Variants in ATXN1 observed in about 807,000 individuals in gnomAD.
The protein encoded by ATXN1 is ataxin 1, also known as ataxin-1.
Under a neutral mutation model 56.4 loss-of-function variants are expected in ATXN1, and 8 were observed. The ratio of observed to expected loss-of-function variants is 0.14; its 90% CI spans 0.08 to 0.26. The LOEUF (loss-of-function observed/expected upper bound fraction) is 0.26, where lower values mean the gene tolerates loss of function less well. Among genes scored for constraint, ATXN1 ranks in the 10% least tolerant of loss-of-function variants. ATXN1 has a pLI of 1.00. For synonymous variants in ATXN1, 514 were observed against 494.6 expected, an observed-to-expected ratio of 1.04 and a Z score of -0.52; for missense variants, 987 against 1,106.5, an observed-to-expected ratio of 0.89 and a Z score of 1.53.
chr6:16,479,090 C>T (rs1311450500), intron 6 of ATXN1, among the ~76,000 whole-genome samples: 1 of 152,148 alleles, frequency 6.6e-6, no homozygotes, highest in African/African-American at 2.4e-5. Flanking sequence ...ATGATAAAAA[C>T]CTGTCTGAGT....
intron 4 of ATXN1, among the ~76,000 whole-genome samples, chr6:16,553,922 G>A (rs1761965370): frequency 6.6e-6 from 1 of 152,212 alleles, no homozygotes. Context: ...TTGAAAGGCA[G>A]TATAGGCAAA....
intron 6 of ATXN1, among the ~76,000 whole-genome samples, chr6:16,449,364 A>G (rs1438870085): frequency 6.6e-6 from 1 of 152,204 alleles, no homozygotes; most frequent in African/African-American, 2.4e-5. Context: ...TGTCAGACAT[A>G]CCATGCTTAT....
chr6:16,582,663 G>C (rs925858367), intron 4 of ATXN1, among the ~76,000 whole-genome samples: 1 of 152,210 alleles, frequency 6.6e-6, no homozygotes, highest in African/African-American at 2.4e-5. Flanking sequence ...GCTGACCACA[G>C]ATCTGAGGTC....
chr6:16,346,949 G>A (rs540509185), intron 6 of ATXN1, among the ~76,000 whole-genome samples: 2 of 152,358 alleles, frequency 1.3e-5, no homozygotes, highest in South Asian at 2.1e-4. Flanking sequence ...CCAGGTGGCT[G>A]TGGGCTCCGT....
At chr6:16,593,841 G>A (rs1021802731) in intron 3 of ATXN1, among the ~76,000 whole-genome samples, 2 of 78,640 alleles carry the variant, frequency 2.5e-5, no homozygotes, top group African/African-American at 4.8e-5. Context: ...ATGTATGTAC[G>A]TGTATATGTG....
intron 6 of ATXN1, among the ~76,000 whole-genome samples, chr6:16,432,270 G>A (rs1158644339): frequency 6.6e-6 from 1 of 152,194 alleles, no homozygotes; most frequent in African/African-American, 2.4e-5. Flanking sequence ...TCTACCACCA[G>A]TACATGCATC....
At chr6:16,488,431 G>A (rs1415931465) in intron 5 of ATXN1, among the ~76,000 whole-genome samples, 6 of 152,238 alleles carry the variant, frequency 3.9e-5, no homozygotes, top group Admixed American at 6.5e-5. Flanking sequence ...TATGCCCACC[G>A]TTAACAGTGT....
intron 3 of ATXN1, among the ~76,000 whole-genome samples, chr6:16,631,891 C>T (rs181386468): frequency 1.5e-4 from 23 of 152,276 alleles, no homozygotes; most frequent in African/African-American, 5.3e-4. Context: ...CAGAAATAAG[C>T]CACTAGTGCT....
chr6:16,311,850 G>C (rs748210347), intron 7 of ATXN1, among the ~76,000 whole-genome samples: 8 of 152,186 alleles, frequency 5.3e-5, no homozygotes, highest in Non-Finnish European at 8.8e-5. Context: ...CATCTGTCTC[G>C]TAAGACTCTC....
intron 6 of ATXN1, among the ~76,000 whole-genome samples, chr6:16,431,283 C>A (rs1759279050): frequency 6.6e-6 from 1 of 152,102 alleles, no homozygotes; most frequent in Non-Finnish European, 1.5e-5. Context: ...TATTGCAATA[C>A]CACCAATTGA....
At chr6:16,357,345 C>T (rs1410865929) in intron 6 of ATXN1, among the ~76,000 whole-genome samples, 1 of 151,874 alleles carries the variant, frequency 6.6e-6, no homozygotes, top group Non-Finnish European at 1.5e-5. Context: ...CCCCGGCTCA[C>T]TGCAACCTCT....
At chr6:16,671,474 CT>C (rs1758541179) in intron 2 of ATXN1, among the ~76,000 whole-genome samples, 1 of 152,090 alleles carries the variant, frequency 6.6e-6, no homozygotes, top group Non-Finnish European at 1.5e-5. Context: ...CTCTAAGTGT[CT>C]ATTTCTGAAG....
intron 4 of ATXN1, among the ~76,000 whole-genome samples, chr6:16,550,158 A>T (rs1283946644): frequency 1.6e-5 from 2 of 124,942 alleles, no homozygotes; most frequent in African/African-American, 5.2e-5. Context: ...TAAAATACAA[A>T]AAAAAAAAAA....
intron 4 of ATXN1, among the ~76,000 whole-genome samples, chr6:16,544,488 G>A (rs1043124458): frequency 2.0e-5 from 3 of 152,200 alleles, no homozygotes; most frequent in Admixed American, 6.5e-5. Flanking sequence ...ACAATCATGT[G>A]AAACTCCCCC....
At chr6:16,618,721 C>CA (rs35139131) in intron 3 of ATXN1, among the ~76,000 whole-genome samples, 10,359 of 54,218 alleles carry the variant, frequency 0.19, 663 homozygotes, top group African/African-American at 0.27. Context: ...GACTCCGTCT[C>CA]AAAAAAAAAA....
chr6:16,310,682 C>T (rs1211697813), intron 7 of ATXN1, among the ~76,000 whole-genome samples: 2 of 152,012 alleles, frequency 1.3e-5, no homozygotes, highest in Non-Finnish European at 2.9e-5. Context: ...AGAGTGGGGG[C>T]TTCACCATGT....
At chr6:16,441,594 A>G (rs1315160511) in intron 6 of ATXN1, among the ~76,000 whole-genome samples, 1 of 152,226 alleles carries the variant, frequency 6.6e-6, no homozygotes, top group Non-Finnish European at 1.5e-5. Flanking sequence ...GGCAGTAAGA[A>G]GAGATAAAGG....
intron 6 of ATXN1, among the ~76,000 whole-genome samples, chr6:16,484,955 G>GCA (rs1760512952): frequency 1.8e-5 from 2 of 108,198 alleles, no homozygotes; most frequent in Admixed American, 2.2e-4. Context: ...ATATGTGTGT[G>GCA]TGTGTGTGTG....
In ATXN1 at chr6:16,328,138, C is replaced by A. The variant is rs1417757332; in HGVS notation, c.173G>T (p.Gly58Val). 1 of 1,583,160 alleles carries A rather than the reference C, an allele frequency of 6.3e-7. No individual in the cohort carries two copies. The highest frequency in any genetic ancestry group is 8.6e-7 in the Non-Finnish European group (1 of 1,161,418). ...GNPGGRGHGG[G>V]RHGPAGTSVE... ...CGAGGTCCCTGCCGGCCCATGCCTC[C>A]CGCCCCCGTGGCCCCGGCCACCAGG... Residue 58 changes from glycine to valine, a missense_variant, in exon 7 of 8, where the codon GGG becomes GTG. Coordinates refer to ENST00000436367, the MANE Select transcript of ATXN1 (RefSeq NM_001128164.2). This position sits in a 1 kb window ranked among gnomAD's most constrained non-coding sequence, Gnocchi z 6.2.
Sources: gnomAD v4.1 joint callset for allele counts (sites outside exome capture counted in the v4.1 genomes callset) on GRCh38, gnomAD v4.1.1 for gene constraint, Gnocchi (gnomAD v3.1) non-coding constraint, MANE v1.5 for transcripts, NCBI Gene and HGNC (gene_info 2026-07-23, HGNC 2026-07-21) for gene names.